RANBP2: variants seen among roughly 807,000 people sequenced by gnomAD.
The protein encoded by RANBP2 is RAN binding protein 2, also known as E3 SUMO-protein ligase RanBP2.
A neutral mutation model predicts 303.6 loss-of-function variants in RANBP2; 57 were observed. That is an observed-to-expected ratio of 0.19 (90% CI 0.15 to 0.23). RANBP2 has a LOEUF of 0.23. Ranked by LOEUF, RANBP2 falls within the 10% of genes least tolerant of loss-of-function variation. RANBP2 has a pLI of 1.00. For missense variants in RANBP2, 3,138 were observed against 3,780.8 expected, an observed-to-expected ratio of 0.83 and a Z score of 4.46; for synonymous variants, 1,167 against 1,301.5, an observed-to-expected ratio of 0.90 and a Z score of 2.23.
the RANBP2 span, among the ~76,000 whole-genome samples, chr2:109,349,785 G>A: frequency 3.3e-5 from 5 of 152,228 alleles, no homozygotes; most frequent in Admixed American, 2.0e-4. Context: ...GGGCAGAAGT[G>A]ACTGCCTGCC....
At chr2:109,459,865 T>A in the RANBP2 span, among the ~76,000 whole-genome samples, 4 of 152,174 alleles carry the variant, frequency 2.6e-5, no homozygotes, top group South Asian at 4.1e-4. Context: ...GTGGTGCTTC[T>A]CCCATTTCTG....
the RANBP2 span, among the ~76,000 whole-genome samples, chr2:109,554,666 T>G: frequency 1.2e-3 from 179 of 152,322 alleles, no homozygotes; most frequent in African/African-American, 4.3e-3. Context: ...GGAATCAATT[T>G]TTTTTCTTAT....
chr2:109,033,804 A>C, the RANBP2 span, among the ~76,000 whole-genome samples: 1 of 151,808 alleles, frequency 6.6e-6, no homozygotes, highest in Non-Finnish European at 1.5e-5. Flanking sequence ...AATACAAAAA[A>C]AATGAGCCAG....
the RANBP2 span, among the ~76,000 whole-genome samples, chr2:109,777,085 ATAG>A: frequency 8.4e-4 from 76 of 90,326 alleles, no homozygotes; most frequent in South Asian, 2.0e-3. Flanking sequence ...AGAATGTTAA[ATAG>A]TAGTGGAGTG....
At chr2:108,920,593 G>A in the RANBP2 span, among the ~76,000 whole-genome samples, 3 of 152,130 alleles carry the variant, frequency 2.0e-5, no homozygotes, top group African/African-American at 4.8e-5. Context: ...AGCTGGGGGC[G>A]AGTATGTTCC....
chr2:109,661,349 C>T, the RANBP2 span, among the ~76,000 whole-genome samples: 9 of 151,628 alleles, frequency 5.9e-5, no homozygotes, highest in Admixed American at 1.3e-4. Context: ...TGGGTTCAAG[C>T]GATTCTCCTG....
the RANBP2 span, chr2:109,615,105 C>T: frequency 7.1e-6 from 11 of 1,549,758 alleles, no homozygotes; most frequent in Non-Finnish European, 8.7e-6. Context: ...CCAGAACCTC[C>T]GTGACCTGGT....
chr2:109,275,300 C>T, the RANBP2 span, among the ~76,000 whole-genome samples: 6 of 152,154 alleles, frequency 3.9e-5, no homozygotes, highest in African/African-American at 1.4e-4. Flanking sequence ...AGCCTAGAGG[C>T]ACACCAGGGG....
At chr2:108,891,063 A>G in the RANBP2 span, among the ~76,000 whole-genome samples, 25 of 152,004 alleles carry the variant, frequency 1.6e-4, no homozygotes, top group African/African-American at 5.8e-4. Flanking sequence ...TTCATATCCC[A>G]TATTGTTTTT....
At chr2:109,302,806 G>A in the RANBP2 span, among the ~76,000 whole-genome samples, 2 of 152,182 alleles carry the variant, frequency 1.3e-5, no homozygotes, top group African/African-American at 4.8e-5. Context: ...GGTTATGCTG[G>A]AGAAAAGTGG....
At chr2:108,748,186 G>C (rs1675524243) in intron 8 of RANBP2, among the ~76,000 whole-genome samples, 1 of 151,762 alleles carries the variant, frequency 6.6e-6, no homozygotes. Context: ...AAAAACTCTG[G>C]GAACGAGGCC....
chr2:108,891,524 GC>G, the RANBP2 span, among the ~76,000 whole-genome samples: 2 of 152,208 alleles, frequency 1.3e-5, no homozygotes, highest in African/African-American at 4.8e-5. Context: ...GGATTGGGAT[GC>G]CAAATGGGCC....
chr2:108,752,808 T>C (rs1168783492), intron 12 of RANBP2, among the ~76,000 whole-genome samples, 190 bp from the exon 13 acceptor site: 2 of 150,188 alleles, frequency 1.3e-5, no homozygotes, highest in African/African-American at 4.9e-5. Context: ...AAAAAAAAAG[T>C]TGAGTGTAGA....
At chr2:109,553,035 T>A in the RANBP2 span, 43 of 1,582,052 alleles carry the variant, frequency 2.7e-5, no homozygotes, top group African/African-American at 3.4e-4. Context: ...TCCTCCAAAT[T>A]AATAGGACAT....
chr2:109,585,883 CTT>C, the RANBP2 span: 19 of 1,491,968 alleles, frequency 1.3e-5, no homozygotes, highest in Non-Finnish European at 1.5e-5. Flanking sequence ...AAAAAAACAA[CTT>C]TGACTTAAAT....
the RANBP2 span, among the ~76,000 whole-genome samples, chr2:109,763,961 A>T: frequency 6.9e-6 from 1 of 145,194 alleles, no homozygotes; most frequent in Non-Finnish European, 1.5e-5. Flanking sequence ...GAATATAATC[A>T]ATATACACAA....
chr2:108,836,776 C>G, the RANBP2 span, among the ~76,000 whole-genome samples: 1 of 151,692 alleles, frequency 6.6e-6, no homozygotes, highest in Non-Finnish European at 1.5e-5. Context: ...AGTTTTTTAC[C>G]TCCTTGCTTA....
chr2:108,924,634 C>T, the RANBP2 span, among the ~76,000 whole-genome samples: 1 of 152,180 alleles, frequency 6.6e-6, no homozygotes, highest in Non-Finnish European at 1.5e-5. Flanking sequence ...TGGGCTCCTG[C>T]CTTCCTGAGC....
the RANBP2 span, among the ~76,000 whole-genome samples, chr2:109,698,040 AG>A: frequency 6.6e-6 from 1 of 151,626 alleles, no homozygotes; most frequent in East Asian, 1.9e-4. Flanking sequence ...TTGTATTTTT[AG>A]TAGAGACAGG....
Sources: gnomAD v4.1 joint callset for allele counts (sites outside exome capture counted in the v4.1 genomes callset) on GRCh38, gnomAD v4.1.1 for gene constraint, MANE v1.5 for transcripts, NCBI Gene and HGNC (gene_info 2026-07-23, HGNC 2026-07-21) for gene names.